KCNMB2: variants seen among roughly 807,000 people sequenced by gnomAD.
The protein encoded by KCNMB2 is potassium calcium-activated channel subfamily M regulatory beta subunit 2, also known as calcium-activated potassium channel subunit beta-2.
A neutral mutation model predicts 24.5 loss-of-function variants in KCNMB2; 9 were observed. The observed-to-expected ratio is 0.37, with a 90% CI of 0.22 to 0.64. The LOEUF (loss-of-function observed/expected upper bound fraction) is 0.64, where lower values mean the gene tolerates loss of function less well. Among genes scored for constraint, KCNMB2 ranks in the 30% least tolerant of loss-of-function variants. KCNMB2 has a pLI of 0.63. For missense variants in KCNMB2, 226 were observed against 284.3 expected, an observed-to-expected ratio of 0.79 and a Z score of 1.47; for synonymous variants, 109 against 104.4, an observed-to-expected ratio of 1.04 and a Z score of -0.27.
chr3:178,736,396 G>A (rs1427603702), intron 1 of KCNMB2, among the ~76,000 whole-genome samples: 1 of 152,160 alleles, frequency 6.6e-6, no homozygotes, highest in Non-Finnish European at 1.5e-5. Context: ...TTGCTAGACT[G>A]AGACTCCTGC....
At chr3:178,836,677 A>C (rs1239132519) in intron 4 of KCNMB2, among the ~76,000 whole-genome samples, 1 of 152,148 alleles carries the variant, frequency 6.6e-6, no homozygotes, top group Non-Finnish European at 1.5e-5. Flanking sequence ...AGCCATGGTA[A>C]AATATTAACA....
chr3:178,712,994 C>A (rs1293550888), intron 1 of KCNMB2, among the ~76,000 whole-genome samples: 1 of 152,172 alleles, frequency 6.6e-6, no homozygotes, highest in Admixed American at 6.5e-5. Flanking sequence ...CCAGGTTTCT[C>A]CTACTTTTCG....
intron 1 of KCNMB2, among the ~76,000 whole-genome samples, chr3:178,672,007 T>G (rs577893559): frequency 6.6e-6 from 1 of 152,156 alleles, no homozygotes. Flanking sequence ...CATTCTTTCA[T>G]CATCTCTCAC....
intron 1 of KCNMB2, among the ~76,000 whole-genome samples, chr3:178,597,804 T>C (rs1191942004): frequency 6.6e-6 from 1 of 152,168 alleles, no homozygotes; most frequent in Non-Finnish European, 1.5e-5. Context: ...GATATTTAGA[T>C]GGTTATTTTC....
At chr3:178,604,206 G>GA (rs1330893670) in intron 1 of KCNMB2, among the ~76,000 whole-genome samples, 4 of 152,166 alleles carry the variant, frequency 2.6e-5, no homozygotes, top group African/African-American at 9.7e-5. Flanking sequence ...TTGCAGGTGA[G>GA]AAAGGAAATT....
intron 1 of KCNMB2, among the ~76,000 whole-genome samples, chr3:178,750,510 G>T (rs891308843): frequency 2.0e-5 from 3 of 152,208 alleles, no homozygotes; most frequent in Non-Finnish European, 4.4e-5. Flanking sequence ...GAATCCAACA[G>T]ATCTGATTCC....
intron 4 of KCNMB2, 60 bp downstream of exon 4, chr3:178,828,433 C>G: frequency 8.0e-7 from 1 of 1,255,000 alleles, no homozygotes; most frequent in Non-Finnish European, 1.1e-6. Context: ...AGGCTCTCTG[C>G]CTCTGAAGTT....
At chr3:178,827,813 TG>T (rs1403811415) in intron 3 of KCNMB2, among the ~76,000 whole-genome samples, 1 of 152,160 alleles carries the variant, frequency 6.6e-6, no homozygotes. Flanking sequence ...AGGTAGGGGC[TG>T]GAGCATGTCA....
intron 1 of KCNMB2, among the ~76,000 whole-genome samples, chr3:178,760,414 A>T (rs537329476): frequency 3.4e-4 from 46 of 137,234 alleles, no homozygotes; most frequent in African/African-American, 1.3e-3. Context: ...TATATATATT[A>T]TATATATATC....
intron 1 of KCNMB2, among the ~76,000 whole-genome samples, chr3:178,633,625 AT>A (rs1435362397): frequency 6.6e-6 from 1 of 152,012 alleles, no homozygotes; most frequent in African/African-American, 2.4e-5. Context: ...CCAGGAAACC[AT>A]TTTTCCCTCC....
intron 1 of KCNMB2, among the ~76,000 whole-genome samples, chr3:178,623,546 C>T (rs1360239185): frequency 1.3e-5 from 2 of 152,132 alleles, no homozygotes; most frequent in Non-Finnish European, 2.9e-5. Context: ...AGTCTGGTTC[C>T]AGTTCAGTGA....
At chr3:178,686,251 G>A (rs1056267520) in intron 1 of KCNMB2, among the ~76,000 whole-genome samples, 1 of 152,156 alleles carries the variant, frequency 6.6e-6, no homozygotes. Context: ...AAAGTTCTAC[G>A]TGGCATGGGA....
intron 1 of KCNMB2, among the ~76,000 whole-genome samples, chr3:178,715,904 A>G (rs1271986603): frequency 6.6e-6 from 1 of 152,206 alleles, no homozygotes; most frequent in Non-Finnish European, 1.5e-5. Flanking sequence ...TAGCAAGTCC[A>G]AGACCTGTAG....
At chr3:178,657,195 C>T (rs11713990) in intron 1 of KCNMB2, among the ~76,000 whole-genome samples, 40,411 of 152,150 alleles carry the variant, frequency 0.27, 6,472 homozygotes, top group East Asian at 0.43. Flanking sequence ...CCTGCTGCTA[C>T]GATCCCCACA....
chr3:178,781,379 G>A (rs1712829047), intron 1 of KCNMB2, among the ~76,000 whole-genome samples: 1 of 151,702 alleles, frequency 6.6e-6, no homozygotes, highest in South Asian at 2.1e-4. Flanking sequence ...ATTACCTGAG[G>A]TCAGGGGTTT....
chr3:178,582,205 C>G (rs549054415), intron 1 of KCNMB2, among the ~76,000 whole-genome samples: 1 of 152,162 alleles, frequency 6.6e-6, no homozygotes, highest in Non-Finnish European at 1.5e-5. Flanking sequence ...AGTTCATGTC[C>G]TTTGCTGGGA....
intron 1 of KCNMB2, among the ~76,000 whole-genome samples, chr3:178,619,693 A>G (rs909342089): frequency 2.0e-5 from 3 of 152,220 alleles, no homozygotes; most frequent in African/African-American, 7.2e-5. Flanking sequence ...CATTTCCATC[A>G]TCTTTAAACC....
chr3:178,714,356 G>A (rs1722550413), intron 1 of KCNMB2, among the ~76,000 whole-genome samples: 2 of 152,164 alleles, frequency 1.3e-5, no homozygotes, highest in Admixed American at 6.5e-5. Context: ...TAAGTTACAA[G>A]TGCTCTCCTG....
intron 1 of KCNMB2, among the ~76,000 whole-genome samples, chr3:178,720,976 T>G (rs1200245872): frequency 1.3e-5 from 2 of 152,150 alleles, no homozygotes; most frequent in Admixed American, 6.5e-5. Flanking sequence ...CTCTTTAGTT[T>G]AATTAGATCC....
Sources: gnomAD v4.1 joint callset for allele counts (sites outside exome capture counted in the v4.1 genomes callset) on GRCh38, gnomAD v4.1.1 for gene constraint, MANE v1.5 for transcripts, NCBI Gene and HGNC (gene_info 2026-07-23, HGNC 2026-07-21) for gene names.